The following OR2L13 variants were observed in gnomAD, a reference collection of about 807,000 sequenced individuals.
The protein encoded by OR2L13 is olfactory receptor 2L13.
Under a neutral mutation model 15.3 loss-of-function variants are expected in OR2L13, and 14 were observed. That is an observed-to-expected ratio of 0.91 (90% CI 0.60 to 1.43). OR2L13 has a LOEUF of 1.43. Ranked by LOEUF, OR2L13 falls within the 40% of genes most tolerant of loss-of-function variation. The pLI is 0.00. For missense variants in OR2L13, 367 were observed against 387.9 expected, an observed-to-expected ratio of 0.95 and a Z score of 0.45; for synonymous variants, 152 against 142.9, an observed-to-expected ratio of 1.06 and a Z score of -0.45.
the OR2L13 span, among the ~76,000 whole-genome samples, chr1:247,995,343 C>T: frequency 4.9e-4 from 74 of 152,324 alleles, no homozygotes; most frequent in Non-Finnish European, 8.4e-4. Flanking sequence ...TATGGCTCCA[C>T]AGACTATTAT....
At chr1:248,002,664 C>T in the OR2L13 span, among the ~76,000 whole-genome samples, 6 of 152,140 alleles carry the variant, frequency 3.9e-5, no homozygotes, top group East Asian at 1.2e-3. Context: ...CAAGACCATC[C>T]TGTGTAACAC....
the OR2L13 span, chr1:247,990,262 G>A: frequency 1.2e-6 from 1 of 863,546 alleles, no homozygotes. Context: ...TCATATGAAT[G>A]CTCCATGGAA....
the OR2L13 span, chr1:247,990,706 T>C: frequency 6.5e-7 from 1 of 1,545,392 alleles, no homozygotes; most frequent in Non-Finnish European, 8.9e-7. Context: ...GATAACAGGA[T>C]CTTGGATGAT....
At chr1:248,081,036 C>T in the OR2L13 span, among the ~76,000 whole-genome samples, 11 of 152,240 alleles carry the variant, frequency 7.2e-5, no homozygotes, top group East Asian at 2.1e-3. Flanking sequence ...ACCATATCAG[C>T]TCATTTTTAA....
chr1:248,010,770 T>TG, the OR2L13 span, among the ~76,000 whole-genome samples: 1 of 133,170 alleles, frequency 7.5e-6, no homozygotes, highest in Non-Finnish European at 1.6e-5. Flanking sequence ...GTTGTTTTTT[T>TG]TTTTTTTTTT....
At chr1:247,975,304 G>T in the OR2L13 span, 1 of 480,450 alleles carries the variant, frequency 2.1e-6, no homozygotes, top group South Asian at 1.8e-5. Flanking sequence ...CTGGGTCTAT[G>T]AGTGCACAGT....
the OR2L13 span, among the ~76,000 whole-genome samples, chr1:247,995,363 T>C: frequency 1.3e-5 from 2 of 152,356 alleles, no homozygotes; most frequent in Admixed American, 1.3e-4. Context: ...TCTGTTACCA[T>C]CAGTGGCTTG....
the OR2L13 span, chr1:248,055,689 G>A: frequency 3.9e-5 from 6 of 152,238 alleles, no homozygotes; most frequent in South Asian, 2.1e-4. Context: ...CCCAGGAGGC[G>A]AAGGTCGCAG....
the OR2L13 span, among the ~76,000 whole-genome samples, chr1:248,069,206 G>T: frequency 7.2e-5 from 11 of 152,156 alleles, no homozygotes; most frequent in African/African-American, 2.7e-4. Flanking sequence ...AGGAAAAAAT[G>T]TTAAGGGCAG....
the OR2L13 span, among the ~76,000 whole-genome samples, chr1:248,001,857 C>T: frequency 1.3e-5 from 2 of 152,068 alleles, no homozygotes; most frequent in African/African-American, 2.4e-5. Flanking sequence ...GTTCCTTTTT[C>T]CTCTCTTTAA....
chr1:248,100,481 A>C, exon 3 of OR2L13: 1 of 340,750 alleles, frequency 2.9e-6, no homozygotes, highest in East Asian at 5.1e-5. Flanking sequence ...CAATGTTATA[A>C]TTAATATTAA....
At chr1:248,095,755 T>G (rs191632168), upstream of OR2L13, among the ~76,000 whole-genome samples, 3 of 150,954 alleles carry the variant, frequency 2.0e-5, no homozygotes, top group South Asian at 6.3e-4. Flanking sequence ...CACAGGCGCA[T>G]GCCACCACGC....
chr1:248,037,755 G>T, the OR2L13 span, among the ~76,000 whole-genome samples: 2 of 152,070 alleles, frequency 1.3e-5, no homozygotes, highest in Non-Finnish European at 2.9e-5. Flanking sequence ...TTTGCTTTCC[G>T]TGGTTTCTCC....
the OR2L13 span, among the ~76,000 whole-genome samples, chr1:248,002,730 C>T: frequency 0.021 from 3,176 of 151,832 alleles, 102 homozygotes; most frequent in African/African-American, 0.071. Context: ...TGGTGGCGGG[C>T]GCCTGTAGTC....
At chr1:247,991,218 G>T in the OR2L13 span, 2 of 1,527,690 alleles carry the variant, frequency 1.3e-6, no homozygotes, top group Non-Finnish European at 1.8e-6. Context: ...CATACGTTCT[G>T]CCTTAGAGTC....
the OR2L13 span, chr1:248,061,630 C>G: frequency 2.5e-6 from 4 of 1,605,690 alleles, no homozygotes; most frequent in Non-Finnish European, 3.4e-6. Context: ...GAAACATTTT[C>G]TACCTAAGGT....
At chr1:247,980,593 T>C in the OR2L13 span, among the ~76,000 whole-genome samples, 1 of 152,226 alleles carries the variant, frequency 6.6e-6, no homozygotes, top group South Asian at 2.1e-4. Context: ...AACATCTAAA[T>C]ACATTATCAT....
the OR2L13 span, among the ~76,000 whole-genome samples, chr1:248,078,953 G>A: frequency 9.9e-5 from 15 of 152,022 alleles, no homozygotes; most frequent in African/African-American, 3.6e-4. Flanking sequence ...ACAGATCATT[G>A]GTCTCCAGAC....
chr1:248,038,690 G>C, the OR2L13 span: 3 of 1,614,114 alleles, frequency 1.9e-6, no homozygotes, highest in Non-Finnish European at 2.5e-6. Context: ...GAGTGTGTGT[G>C]ATGATGATAA....
Sources: allele counts gnomAD v4.1 joint callset (sites outside exome capture counted in the v4.1 genomes callset), GRCh38; gene constraint gnomAD v4.1.1; transcripts MANE v1.5; gene names NCBI Gene and HGNC (gene_info 2026-07-23, HGNC 2026-07-21).